Variants in GON4L observed in about 807,000 individuals in gnomAD.
GON4L encodes the protein gon-4 like, also known as GON-4-like protein.
In GON4L, 87 loss-of-function variants were observed where a neutral mutation model predicts 211.8. The observed-to-expected ratio is 0.41, with a 90% CI of 0.35 to 0.49. GON4L has a LOEUF of 0.49. Ranked by LOEUF, GON4L falls within the 20% of genes least tolerant of loss-of-function variation. The pLI, the probability that GON4L is intolerant of heterozygous loss-of-function variation, is 0.15. For missense variants in GON4L, 2,155 were observed against 2,659.5 expected, an observed-to-expected ratio of 0.81 and a Z score of 4.17; for synonymous variants, 875 against 962.6, an observed-to-expected ratio of 0.91 and a Z score of 1.68.
chr1:155,762,073 G>C, intron 23 of GON4L, 117 bp downstream of exon 23: 2 of 741,532 alleles, frequency 2.7e-6, no homozygotes. Context: ...CCAAGATAGA[G>C]GAATATGAAG....
intron 11 of GON4L, among the ~76,000 whole-genome samples, chr1:155,803,143 G>A (rs1666828970): frequency 1.3e-5 from 2 of 151,830 alleles, no homozygotes; most frequent in South Asian, 4.1e-4. Context: ...ACTATTAATA[G>A]TATCATAAGG....
At position 155,777,648 on chromosome 1, in the gene GON4L, T is replaced by G. The variant is rs759821280; in HGVS notation, c.2065A>C (p.Lys689Gln). Residue 689 changes from lysine (K) to glutamine (Q), a missense_variant, in exon 15 of 32, where the codon AAG (lysine) becomes CAG (glutamine). Lys to Gln is a moderately conservative substitution (Grantham distance 53, BLOSUM62 1). This residue lies in a region of GON4L where 551 missense variants were observed against 854.0 expected (regional missense o/e 0.65). Coordinates refer to ENST00000368331, the MANE Select transcript of GON4L (RefSeq NM_001282860.2). Reference sequence around the variant, plus strand: ...TGCTGCATCTGCTGCTGGAGTCTCTTCCTCTGTGCTGGGTCCAGAATCAGA... The same window carrying G: ...TGCTGCATCTGCTGCTGGAGTCTCTGCCTCTGTGCTGGGTCCAGAATCAGA... ...QTLILDPAQR[K>Q]RLQQQMQQHV... 1 of 1,613,736 alleles carries G rather than the reference T, an allele frequency of 6.2e-7. No individual in the cohort carries two copies. Among genetic ancestry groups the G allele is most frequent in the Admixed American group, 1.7e-5 (1 of 59,992 alleles).
At chr1:155,832,411 C>A (rs1044938322) in intron 2 of GON4L, among the ~76,000 whole-genome samples, 2 of 151,876 alleles carry the variant, frequency 1.3e-5, no homozygotes. Flanking sequence ...GAGGCCGAGG[C>A]AGGTGGATCA....
At chr1:155,748,678 T>C, downstream of GON4L, 2 of 1,613,564 alleles carry the variant, frequency 1.2e-6, no homozygotes, top group South Asian at 2.2e-5. Flanking sequence ...CTGATGCAGT[T>C]TGGAGGAGCC....
chr1:155,790,247 G>A (rs905364947), intron 12 of GON4L, among the ~76,000 whole-genome samples: 4 of 151,884 alleles, frequency 2.6e-5, no homozygotes, highest in Non-Finnish European at 5.9e-5. Context: ...CTACAGGCGT[G>A]AGCCACCACA....
chr1:155,799,063 T>C (rs1378632756), intron 11 of GON4L, among the ~76,000 whole-genome samples: 1 of 152,200 alleles, frequency 6.6e-6, no homozygotes, highest in Admixed American at 6.6e-5. Context: ...ACTCAACTGG[T>C]AGATCTGGAG....
Position 155,804,992 on chromosome 1 carries a change from C to T in GON4L, c.1602G>A (p.Lys534=). The T allele has an allele frequency of 6.2e-7, 1 of 1,614,040 alleles. No homozygotes were observed. The change falls in exon 11 of 32, where the codon AAG becomes AAA. Residue 534 remains lysine (K), a synonymous_variant. Transcript: ENST00000368331. ...DPNTADDEDW[K]MWLGGLMNDD... Reference sequence around the variant, plus strand: ...CATTCATAAGTCCCCCCAGCCACATCTTCCAGTCCTCATCATCTGCCGTAT... The same window carrying T: ...CATTCATAAGTCCCCCCAGCCACATTTTCCAGTCCTCATCATCTGCCGTAT...
chr1:155,750,798 C>T (rs1170929692), intron 31 of GON4L, 65 bp from the exon 32 acceptor site: 1 of 1,461,432 alleles, frequency 6.8e-7, no homozygotes. Context: ...GAGTCTCTCT[C>T]TGTTGCTGAG....
At chr1:155,824,541 G>A (rs1385627648) in intron 3 of GON4L, among the ~76,000 whole-genome samples, 5 of 143,728 alleles carry the variant, frequency 3.5e-5, no homozygotes, top group African/African-American at 1.3e-4. Context: ...TCAGGACTTC[G>A]AGACCAGCCA....
intron 6 of GON4L, among the ~76,000 whole-genome samples, chr1:155,817,775 T>C (rs1013418459): frequency 2.0e-5 from 3 of 152,118 alleles, no homozygotes; most frequent in East Asian, 3.9e-4. Flanking sequence ...AAAAAACCAA[T>C]TAGCTGGACA....
At chr1:155,772,033 G>C (rs1462369568) in intron 18 of GON4L, among the ~76,000 whole-genome samples, 1 of 152,050 alleles carries the variant, frequency 6.6e-6, no homozygotes, top group Non-Finnish European at 1.5e-5. Flanking sequence ...TGTAGTGGTA[G>C]GTGCCTGTAA....
At chr1:155,801,112 CAAAAAAAAA>C (rs367752032) in intron 11 of GON4L, among the ~76,000 whole-genome samples, 57 of 73,630 alleles carry the variant, frequency 7.7e-4, no homozygotes, top group African/African-American at 3.2e-3. Context: ...TGCTGCTGCT[CAAAAAAAAA>C]AAAAAAAAAA....
intron 31 of GON4L, 54 bp from the exon 32 acceptor site, chr1:155,750,787 G>A (rs970330364): frequency 3.5e-5 from 53 of 1,509,118 alleles, no homozygotes; most frequent in East Asian, 7.4e-5. Flanking sequence ...TTTTTGAGAC[G>A]GAGTCTCTCT....
chr1:155,819,728 G>C (rs1049744453), intron 6 of GON4L, among the ~76,000 whole-genome samples: 4 of 152,120 alleles, frequency 2.6e-5, no homozygotes, highest in Non-Finnish European at 5.9e-5. Context: ...TATTAAGAAG[G>C]ATATAGCACA....
downstream of GON4L, chr1:155,748,380 C>A (rs890604815): frequency 3.6e-5 from 57 of 1,601,214 alleles, no homozygotes; most frequent in East Asian, 2.7e-4. Context: ...CCAAGTGCCC[C>A]TCTTGGTGTC....
At position 155,852,569 on chromosome 1, in the gene GON4L, G is replaced by A. The variant is rs550622867; in HGVS notation, c.505+707C>T. ...ATCCTGGCTAACACAGTGAAACCCC[G>A]CCTCTACTAAAAATACAAAAAAAAT... On this transcript the variant is annotated intron_variant, in intron 2 of 31. Coordinates refer to ENST00000368331, the MANE Select transcript of GON4L (RefSeq NM_001282860.2). Among the ~76,000 whole-genome samples, 138 of 151,562 alleles carry A rather than the reference G, an allele frequency of 9.1e-4. 1 individual carries two copies. The highest frequency in any genetic ancestry group is 2.5e-3 in the African/African-American group (102 of 41,332).
At chr1:155,833,887 G>A (rs910376888) in intron 2 of GON4L, among the ~76,000 whole-genome samples, 1 of 151,846 alleles carries the variant, frequency 6.6e-6, no homozygotes, top group African/African-American at 2.4e-5. Flanking sequence ...CAATGCAGTG[G>A]TGCGATCAGA....
In GON4L at chr1:155,764,935, C is replaced by T. The variant is rs1172990305; in HGVS notation, c.4473+65G>A. ...CATAGTGCAGCAAGCAAGCAGGTGG[C>T]ATATCAATAAGTGATACATATTACT... is the stretch of plus-strand genomic sequence containing the variant. On this transcript the variant is annotated intron_variant, in intron 21 of 31. Coordinates refer to ENST00000368331, the MANE Select transcript of GON4L (RefSeq NM_001282860.2). 2.5e-6 allele frequency: 4 copies of T among 1,613,194 alleles called. No individual in the cohort carries two copies. In the Admixed American group the frequency reaches 5.0e-5, roughly 20 times the overall value.
intron 18 of GON4L, 145 bp downstream of exon 18, chr1:155,772,921 G>T: frequency 2.0e-6 from 2 of 1,010,644 alleles, no homozygotes; most frequent in Non-Finnish European, 3.1e-6. Flanking sequence ...GTCCTAGAGG[G>T]CTCTGCTCAT....
Sources: allele counts gnomAD v4.1 joint callset (sites outside exome capture counted in the v4.1 genomes callset), GRCh38; gene constraint gnomAD v4.1.1; regional missense constraint gnomAD v4.1.1; transcripts MANE v1.5; gene names NCBI Gene and HGNC (gene_info 2026-07-23, HGNC 2026-07-21).